The following FARP1 variants were observed in gnomAD, a reference collection of about 807,000 sequenced individuals.
FARP1 encodes the protein FERM, ARH/RhoGEF and pleckstrin domain protein 1.
FARP1 carries 52 observed loss-of-function variants against 128.8 expected under a neutral mutation model. The ratio of observed to expected loss-of-function variants is 0.40; its 90% confidence interval spans 0.32 to 0.51. The LOEUF is 0.51. FARP1 is among the 20% of genes least tolerant of loss of function. The pLI, the probability that FARP1 is intolerant of heterozygous loss-of-function variation, is 0.45. For missense variants in FARP1, 1,333 were observed against 1,367.9 expected (o/e 0.97, Z 0.40); for synonymous variants, 580 against 551.8 (o/e 1.05, Z -0.72).
intron 2 of FARP1, among the ~76,000 whole-genome samples, chr13:98,237,572 T>A (rs752414933): frequency 1.3e-5 from 2 of 152,216 alleles, no homozygotes; most frequent in Admixed American, 6.5e-5. Context: ...ACTAAATTGC[T>A]TATCTCAGTA....
chr13:98,207,260 A>C (rs1462319876), intron 1 of FARP1, among the ~76,000 whole-genome samples: 1 of 152,216 alleles, frequency 6.6e-6, no homozygotes, highest in African/African-American at 2.4e-5. Flanking sequence ...GAAATAACCT[A>C]GACATGAGAT....
At chr13:98,212,786 C>T (rs1594277586) in intron 1 of FARP1, among the ~76,000 whole-genome samples, 3 of 152,082 alleles carry the variant, frequency 2.0e-5, no homozygotes, top group South Asian at 2.1e-4. Context: ...CTCTGCAGTG[C>T]GCGTTTTACC....
chr13:98,268,818 G>GTGTGTATGTA lies in FARP1; in HGVS notation c.171+55406_171+55407insGTGTATGTAT, dbSNP rs901859010. Among the ~76,000 whole-genome samples, 16 of 144,386 alleles carry GTGTGTATGTA rather than the reference G, an allele frequency of 1.1e-4. 1 individual carries two copies. The highest frequency in any genetic ancestry group is 2.6e-4 in the African/African-American group (10 of 39,174). The allele number at this position is 144,386 out of a possible 152,430, so 94.7% of individuals were successfully genotyped here. A position where few individuals can be genotyped will look rare whatever the true frequency, so the allele number is the denominator to read the frequency against. On this transcript the variant is annotated intron_variant, in intron 2 of 26. Transcript: ENST00000319562. ...TGTGTGTGTGTGTGTGTGTGTGTGT[G>GTGTGTATGTA]TATACAGCTTCCCAAGTAGCTGAGA...
chr13:98,338,680 C>A (rs1348507202), intron 2 of FARP1: 1 of 152,188 alleles, frequency 6.6e-6, no homozygotes, highest in East Asian at 1.9e-4. Flanking sequence ...GAAGTGAGAT[C>A]GCTGTATCCT....
intron 5 of FARP1, among the ~76,000 whole-genome samples, chr13:98,370,201 C>T (rs1424850418): frequency 6.6e-6 from 1 of 152,168 alleles, no homozygotes; most frequent in African/African-American, 2.4e-5. Context: ...AGAGAGCTTT[C>T]TAGAGAGATG....
chr13:98,301,297 G>A (rs1373452122), intron 2 of FARP1, among the ~76,000 whole-genome samples: 2 of 152,146 alleles, frequency 1.3e-5, no homozygotes, highest in Non-Finnish European at 2.9e-5. Flanking sequence ...TCTGGTCCAC[G>A]TGTCACTTTC....
intron 5 of FARP1, among the ~76,000 whole-genome samples, chr13:98,373,533 G>GACAGACAGAC (rs1349451618): frequency 4.0e-4 from 53 of 131,070 alleles, no homozygotes; most frequent in African/African-American, 1.4e-3. Context: ...CAGACAGACA[G>GACAGACAGAC]ACACACACAC....
intron 13 of FARP1, chr13:98,399,188 A>C (rs548236702): frequency 1.5e-5 from 2 of 134,392 alleles, no homozygotes; most frequent in South Asian, 4.7e-4. Flanking sequence ...GCTGTTTATC[A>C]TACATCCTGA....
chr13:98,148,609 A>G (rs1373835648), intron 1 of FARP1, among the ~76,000 whole-genome samples: 1 of 152,114 alleles, frequency 6.6e-6, no homozygotes, highest in African/African-American at 2.4e-5. Flanking sequence ...TCTGGGATAC[A>G]TTTTCCTTCT....
rs527261995 is a variant in FARP1 at position 98,218,692 on chromosome 13, G to A, written c.171+5279G>A. On this transcript the variant is annotated intron_variant, in intron 2 of 26. Transcript: ENST00000319562. The stretch of plus-strand genomic sequence containing the variant: ...TGTCCCATGCCAGTTGCGGGCCGCA[G>A]GAAATGTTGTGATTGGCCTTATGTG... Among the ~76,000 whole-genome samples the A allele has an allele frequency of 9.2e-5, 14 of 152,298 alleles. No individual in the cohort carries two copies. In the South Asian group the frequency reaches 2.7e-3, roughly 29 times the overall value.
At chr13:98,312,593 C>G (rs998502192) in intron 2 of FARP1, among the ~76,000 whole-genome samples, 3 of 152,228 alleles carry the variant, frequency 2.0e-5, no homozygotes, top group Admixed American at 2.0e-4. Flanking sequence ...CTTCCCCCCC[C>G]ACCGGAAAAG....
intron 2 of FARP1, among the ~76,000 whole-genome samples, chr13:98,327,400 TA>T (rs1308103299): frequency 6.6e-6 from 1 of 152,204 alleles, no homozygotes; most frequent in Non-Finnish European, 1.5e-5. Flanking sequence ...GATACCTACA[TA>T]AAAGGGAATT....
rs1399615043 is a variant in FARP1 at position 98,311,322 on chromosome 13, G to GT, written c.172-32432dup. 2.6e-5 allele frequency among the ~76,000 whole-genome samples: 4 copies of GT among 151,994 alleles called. No homozygotes were observed. In the East Asian group the frequency reaches 5.8e-4, roughly 22 times the overall value. On this transcript the variant is annotated intron_variant, in intron 2 of 26. Transcript: ENST00000319562. The stretch of plus-strand genomic sequence containing the variant: ...ATGACTGAGTGGGATTTAATCCCAG[G>GT]TTTTTTTTGTTTGTTTGTTTCCTCT...
chr13:98,329,942 AT>A (rs1213018838), intron 2 of FARP1: 1 of 152,160 alleles, frequency 6.6e-6, no homozygotes, highest in Non-Finnish European at 1.5e-5. Flanking sequence ...AGAAAGTGGT[AT>A]GTAAAAGTGA....
intron 1 of FARP1, among the ~76,000 whole-genome samples, chr13:98,165,710 G>GTTTTTTTTTTTTTTTTTTT (rs71111927): frequency 1.2e-4 from 9 of 74,134 alleles, no homozygotes; most frequent in East Asian, 4.6e-4. Context: ...TCCAGAAGGG[G>GTTTTTTTTTTTTTTTTTTT]TTTTTTTTTT....
intron 3 of FARP1, among the ~76,000 whole-genome samples, chr13:98,359,830 A>G (rs1423495352): frequency 1.3e-5 from 2 of 152,216 alleles, no homozygotes; most frequent in Admixed American, 6.5e-5. Flanking sequence ...CACAATGCCA[A>G]GGTCACCTAA....
intron 2 of FARP1, among the ~76,000 whole-genome samples, chr13:98,242,276 G>A (rs1882815651): frequency 6.6e-6 from 1 of 152,084 alleles, no homozygotes; most frequent in Admixed American, 6.6e-5. Context: ...ACTACCTTAT[G>A]GAAACTGTTT....
At chr13:98,273,057 T>G (rs1471719237) in intron 2 of FARP1, among the ~76,000 whole-genome samples, 2 of 152,104 alleles carry the variant, frequency 1.3e-5, no homozygotes, top group Non-Finnish European at 2.9e-5. Context: ...ACAGTTTGGT[T>G]TTGTATATTT....
At chr13:98,192,694 T>A (rs1471161063) in intron 1 of FARP1, among the ~76,000 whole-genome samples, 1 of 152,094 alleles carries the variant, frequency 6.6e-6, no homozygotes, top group East Asian at 1.9e-4. Flanking sequence ...CCCGGCTGAC[T>A]TGTTATTCTA....
Sources: allele counts gnomAD v4.1 joint callset (sites outside exome capture counted in the v4.1 genomes callset), GRCh38; gene constraint gnomAD v4.1.1; transcripts MANE v1.5; gene names NCBI Gene and HGNC (gene_info 2026-07-23, HGNC 2026-07-21).